NAALADL2: variants seen among roughly 807,000 people sequenced by gnomAD.
The protein encoded by NAALADL2 is inactive N-acetylated-alpha-linked acidic dipeptidase-like protein 2.
In NAALADL2, 76 loss-of-function variants were observed where a neutral mutation model predicts 87.2. The ratio of observed to expected loss-of-function variants is 0.87; its 90% confidence interval spans 0.72 to 1.05. The LOEUF (loss-of-function observed/expected upper bound fraction) is 1.05. NAALADL2 is among the 50% of genes least tolerant of loss of function. The pLI is 0.00. For missense variants in NAALADL2, 1,089 were observed against 945.8 expected, an observed-to-expected ratio of 1.15 and a Z score of -1.99; for synonymous variants, 354 against 331.0, an observed-to-expected ratio of 1.07 and a Z score of -0.75.
intron 10 of NAALADL2, among the ~76,000 whole-genome samples, chr3:175,585,651 A>G (rs1029461220): frequency 6.6e-6 from 1 of 152,200 alleles, no homozygotes; most frequent in African/African-American, 2.4e-5. Flanking sequence ...CAAAAAATAT[A>G]AGTGGAATGA....
At chr3:175,105,642 GACACACACACACAC>G (rs57274941) in intron 2 of NAALADL2, among the ~76,000 whole-genome samples, 4,492 of 144,604 alleles carry the variant, frequency 0.031, 106 homozygotes, top group South Asian at 0.055. Flanking sequence ...AATACACACA[GACACACACACACAC>G]ACACACACAC....
chr3:175,671,847 C>T (rs1734052596), intron 11 of NAALADL2, among the ~76,000 whole-genome samples: 1 of 151,806 alleles, frequency 6.6e-6, no homozygotes, highest in African/African-American at 2.4e-5. Flanking sequence ...CTTACATTTT[C>T]CAGAATGAAT....
At chr3:174,479,274 T>C (rs1717412088) in intron 1 of NAALADL2, among the ~76,000 whole-genome samples, 1 of 152,180 alleles carries the variant, frequency 6.6e-6, no homozygotes, top group East Asian at 1.9e-4. Flanking sequence ...GAATGACTAA[T>C]TCTCAAACAT....
intron 1 of NAALADL2, among the ~76,000 whole-genome samples, chr3:174,491,444 G>A (rs1169695640): frequency 6.6e-6 from 1 of 151,924 alleles, no homozygotes. Context: ...AATACTCTTT[G>A]GAAGTATTTT....
At chr3:174,588,595 T>C (rs911219277) in intron 2 of NAALADL2, among the ~76,000 whole-genome samples, 1 of 152,210 alleles carries the variant, frequency 6.6e-6, no homozygotes, top group Non-Finnish European at 1.5e-5. Flanking sequence ...TCCTTCTAAC[T>C]GTCAGGACCC....
chr3:175,650,772 G>T (rs1354426160), intron 11 of NAALADL2, among the ~76,000 whole-genome samples: 1 of 151,988 alleles, frequency 6.6e-6, no homozygotes, highest in Non-Finnish European at 1.5e-5. Context: ...GAAACATTTT[G>T]CTTTTCTCTT....
At chr3:175,307,235 G>GTAGT (rs1437491438) in intron 4 of NAALADL2, among the ~76,000 whole-genome samples, 2 of 152,036 alleles carry the variant, frequency 1.3e-5, no homozygotes, top group East Asian at 3.9e-4. Flanking sequence ...ATCCCCTGGA[G>GTAGT]TAGTTGTGAC....
At chr3:174,933,567 C>A (rs1430316880) in intron 1 of NAALADL2, among the ~76,000 whole-genome samples, 1 of 152,084 alleles carries the variant, frequency 6.6e-6, no homozygotes, top group African/African-American at 2.4e-5. Context: ...AAGTTTCTTT[C>A]TTCAGGTAAA....
chr3:175,362,383 G>C lies in NAALADL2; in HGVS notation c.1090+38058G>C, dbSNP rs1420497719. 3.4e-5 allele frequency among the ~76,000 whole-genome samples: 5 copies of C among 147,884 alleles called. 2 individuals carry two copies. The highest frequency in any genetic ancestry group is 7.5e-5 in the Non-Finnish European group (5 of 66,508). On this transcript the variant is annotated intron_variant, in intron 5 of 13. Coordinates refer to ENST00000454872, the MANE Select transcript of NAALADL2 (RefSeq NM_207015.3). The stretch of plus-strand genomic sequence containing the variant: ...TTGGTTCCATATGAACTTTAAAGTA[G>C]TTTTTTCCATTCTGTGAAGAAAGTC...
chr3:174,813,576 T>G lies in NAALADL2; in HGVS notation c.-9+75830T>G, dbSNP rs553780346. Reference sequence around the variant, plus strand: ...GAAAGTACGGTCTATGATGTTCGCATAAAGATGAAAGTACCTAATGAAGAG... The same window carrying G: ...GAAAGTACGGTCTATGATGTTCGCAGAAAGATGAAAGTACCTAATGAAGAG... On this transcript the variant is annotated intron_variant, in intron 3 of 3. Coordinates refer to the NAALADL2 transcript ENST00000434257. 3.4e-4 allele frequency among the ~76,000 whole-genome samples: 52 copies of G among 152,350 alleles called. No homozygotes were observed. The South Asian group carries it at 6.2e-3, about 18-fold the overall frequency.
At chr3:174,938,472 G>A (rs1738043645) in intron 1 of NAALADL2, among the ~76,000 whole-genome samples, 1 of 152,018 alleles carries the variant, frequency 6.6e-6, no homozygotes, top group Non-Finnish European at 1.5e-5. Context: ...TGTGACTAGT[G>A]CTGCAATGAA....
chr3:175,402,914 T>G (rs984343047), intron 5 of NAALADL2, among the ~76,000 whole-genome samples: 4 of 152,148 alleles, frequency 2.6e-5, no homozygotes, highest in South Asian at 4.1e-4. Flanking sequence ...CAAGGTCATA[T>G]TCACACCTCT....
rs1754975917 is a variant in NAALADL2, at chr3:175,809,452, T to G, written c.*6249T>G. 7.1e-6 allele frequency: 1 copy of G among 140,920 alleles called. No individual in the cohort carries two copies. The highest frequency in any genetic ancestry group is 2.2e-4 in the South Asian group (1 of 4,584). 8.7% of individuals were successfully genotyped at this position (140,920 alleles called of 1,614,324 possible). A position where few individuals can be genotyped will look rare whatever the true frequency, so the allele number is the denominator to read the frequency against. On this transcript the variant is annotated 3_prime_UTR_variant, in exon 14 of 14. Coordinates refer to ENST00000454872, the MANE Select transcript of NAALADL2 (RefSeq NM_207015.3). ...TTCTAGAACACTGTGCAGGACTAAT[T>G]TTTTTTTAATAGACATCCAGAAAAT... is the stretch of plus-strand genomic sequence containing the variant.
intron 3 of NAALADL2, among the ~76,000 whole-genome samples, chr3:174,809,827 C>T (rs937542843): frequency 6.6e-6 from 1 of 152,148 alleles, no homozygotes; most frequent in African/African-American, 2.4e-5. Context: ...GGTGGGGCCT[C>T]ATGGGAGGTG....
intron 2 of NAALADL2, among the ~76,000 whole-genome samples, chr3:174,675,057 C>T (rs960707872): frequency 2.0e-5 from 3 of 151,978 alleles, no homozygotes; most frequent in African/African-American, 7.2e-5. Context: ...CTAACCTTTT[C>T]TTGTTTTAAT....
chr3:174,998,347 G>T (rs1388444080), intron 1 of NAALADL2, among the ~76,000 whole-genome samples: 1 of 152,126 alleles, frequency 6.6e-6, no homozygotes, highest in African/African-American at 2.4e-5. Context: ...TTTATTGTAA[G>T]CCTCAAATTG....
intron 1 of NAALADL2, among the ~76,000 whole-genome samples, chr3:174,893,722 C>T (rs1731148567): frequency 6.6e-6 from 1 of 151,894 alleles, no homozygotes; most frequent in Non-Finnish European, 1.5e-5. Context: ...AGAATGAGTA[C>T]ACAAAAAATA....
intron 1 of NAALADL2, among the ~76,000 whole-genome samples, chr3:174,915,343 T>C (rs1296806166): frequency 6.6e-6 from 1 of 152,148 alleles, no homozygotes; most frequent in Non-Finnish European, 1.5e-5. Flanking sequence ...AGATCTAGGC[T>C]TTGTAATTAG....
chr3:174,625,856 G>A (rs569671169), intron 2 of NAALADL2, among the ~76,000 whole-genome samples: 6 of 151,956 alleles, frequency 3.9e-5, no homozygotes, highest in South Asian at 4.1e-4. Context: ...ACACCTGTGC[G>A]CATATACATA....
Sources: allele counts gnomAD v4.1 joint callset (sites outside exome capture counted in the v4.1 genomes callset), GRCh38; gene constraint gnomAD v4.1.1; transcripts MANE v1.5; gene names NCBI Gene and HGNC (gene_info 2026-07-23, HGNC 2026-07-21).